TBC1D22A: variants seen among roughly 807,000 people sequenced by gnomAD.
The protein encoded by TBC1D22A is putative GTPase activator.
In TBC1D22A, 38 loss-of-function variants were observed where a neutral mutation model predicts 60.2. That is an observed-to-expected ratio of 0.63 (90% CI 0.49 to 0.83). TBC1D22A has a LOEUF of 0.83. TBC1D22A is among the 40% of genes least tolerant of loss of function. The pLI is 0.00. For synonymous variants in TBC1D22A, 302 were observed against 281.7 expected (o/e 1.07, Z -0.72); for missense variants, 628 against 701.0 (o/e 0.90, Z 1.18).
intron 8 of TBC1D22A, among the ~76,000 whole-genome samples, chr22:46,933,541 T>G (rs1284514581): frequency 6.6e-6 from 1 of 152,134 alleles, no homozygotes; most frequent in East Asian, 1.9e-4. Context: ...AAGTTCTTCT[T>G]CCTCTCCTGA....
chr22:46,922,791 A>G (rs1446669260), intron 8 of TBC1D22A, among the ~76,000 whole-genome samples: 1 of 152,218 alleles, frequency 6.6e-6, no homozygotes, highest in African/African-American at 2.4e-5. Context: ...TTTGTATTCT[A>G]AAATTTTACT....
Position 46,997,627 on chromosome 22 carries a change from T to G in TBC1D22A, c.1126-7T>G, listed in dbSNP as rs1359769062. ...GCATATGATTCACATTATTCTTTTT[T>G]CCTTAGGACAACTACACCTTTGCCC... On this transcript the variant is annotated splice_region_variant and splice_polypyrimidine_tract_variant and intron_variant, in intron 9 of 12. Transcript: ENST00000337137. 1 of 1,612,044 alleles carries G rather than the reference T, an allele frequency of 6.2e-7. No individual in the cohort carries two copies. The highest frequency in any genetic ancestry group is 2.2e-5 in the East Asian group (1 of 44,884).
intron 11 of TBC1D22A, among the ~76,000 whole-genome samples, chr22:47,054,774 G>A (rs1226355783): frequency 6.6e-6 from 1 of 152,206 alleles, no homozygotes; most frequent in East Asian, 1.9e-4. Flanking sequence ...TGATGATTGT[G>A]TACACGTAGA....
intron 11 of TBC1D22A, among the ~76,000 whole-genome samples, chr22:47,040,845 A>G (rs2062817793): frequency 1.3e-5 from 2 of 152,154 alleles, no homozygotes; most frequent in South Asian, 2.1e-4. Context: ...GGCTCTGAGT[A>G]TGGTGAGTGA....
chr22:46,978,318 A>G (rs1037296145), intron 9 of TBC1D22A, among the ~76,000 whole-genome samples: 1 of 152,262 alleles, frequency 6.6e-6, no homozygotes, highest in African/African-American at 2.4e-5. Context: ...ATTCAAATAG[A>G]GAAAATTAAA....
chr22:47,105,071 C>G (rs1202253228), intron 11 of TBC1D22A, among the ~76,000 whole-genome samples: 1 of 152,060 alleles, frequency 6.6e-6, no homozygotes, highest in Non-Finnish European at 1.5e-5. Context: ...AGGGCTGTAT[C>G]ATCGGCCATG....
intron 4 of TBC1D22A, among the ~76,000 whole-genome samples, chr22:46,870,098 T>C (rs2067234826): frequency 6.6e-6 from 1 of 152,222 alleles, no homozygotes; most frequent in African/African-American, 2.4e-5. Context: ...CCCCATGTAT[T>C]GTCTCTTTGT....
At chr22:46,779,921 C>T (rs551998645) in intron 1 of TBC1D22A, among the ~76,000 whole-genome samples, 3 of 152,306 alleles carry the variant, frequency 2.0e-5, no homozygotes, top group African/African-American at 4.8e-5. Context: ...GTCTCAGGTA[C>T]CACATGTTTC....
intron 10 of TBC1D22A, among the ~76,000 whole-genome samples, chr22:47,032,731 G>T (rs764519495): frequency 2.6e-5 from 4 of 152,216 alleles, no homozygotes; most frequent in Non-Finnish European, 5.9e-5. Flanking sequence ...GTCCCAGGAG[G>T]CCCCAGGCTG....
At chr22:47,070,462 G>A (rs1283843419) in intron 11 of TBC1D22A, among the ~76,000 whole-genome samples, 1 of 150,164 alleles carries the variant, frequency 6.7e-6, no homozygotes, top group Non-Finnish European at 1.5e-5. Context: ...TGTTTGGTTG[G>A]AGCGGAGCTG....
chr22:46,860,430 C>T (rs1319519039), intron 4 of TBC1D22A, among the ~76,000 whole-genome samples: 2 of 31,736 alleles, frequency 6.3e-5, no homozygotes, highest in East Asian at 1.6e-3. Flanking sequence ...AGTGCTGTGC[C>T]CCTTCCCGGG....
At chr22:46,806,295 T>C (rs2085132071) in intron 4 of TBC1D22A, among the ~76,000 whole-genome samples, 1 of 151,440 alleles carries the variant, frequency 6.6e-6, no homozygotes, top group African/African-American at 2.4e-5. Context: ...CTTTGAATTC[T>C]CATAGTCAGT....
intron 7 of TBC1D22A, among the ~76,000 whole-genome samples, chr22:46,908,608 C>A (rs5769234): frequency 9.2e-5 from 14 of 151,934 alleles, no homozygotes; most frequent in Non-Finnish European, 1.9e-4. Flanking sequence ...TCCATTTTTC[C>A]TCAAAGTAAT....
At chr22:46,848,696 T>C (rs2087132908) in intron 4 of TBC1D22A, among the ~76,000 whole-genome samples, 1 of 152,234 alleles carries the variant, frequency 6.6e-6, no homozygotes, top group Non-Finnish European at 1.5e-5. Context: ...TATATTACTT[T>C]TTTATGGCAT....
intron 11 of TBC1D22A, among the ~76,000 whole-genome samples, chr22:47,074,662 G>A (rs980045677): frequency 6.6e-6 from 1 of 152,094 alleles, no homozygotes; most frequent in Admixed American, 6.5e-5. Flanking sequence ...CCACCCCCTC[G>A]GGGACCTGGA....
chr22:47,120,977 C>G (rs1002206198), intron 12 of TBC1D22A, among the ~76,000 whole-genome samples: 1 of 152,202 alleles, frequency 6.6e-6, no homozygotes, highest in East Asian at 1.9e-4. Flanking sequence ...AAACAAAATT[C>G]AAAGGCAGTT....
At chr22:46,888,972 G>A (rs2068257833) in intron 5 of TBC1D22A, among the ~76,000 whole-genome samples, 1 of 152,156 alleles carries the variant, frequency 6.6e-6, no homozygotes, top group Non-Finnish European at 1.5e-5. Context: ...CCAAAGTGCT[G>A]GGATTACAGG....
intron 12 of TBC1D22A, among the ~76,000 whole-genome samples, chr22:47,168,662 C>T (rs2068300195): frequency 1.3e-5 from 2 of 152,224 alleles, no homozygotes; most frequent in South Asian, 4.1e-4. Context: ...CTCGAAGGAA[C>T]CCAGGGTCTG....
rs34793078 is a variant in TBC1D22A at position 47,039,704 on chromosome 22, G to GAAAAAA, written c.1329+2524_1329+2529dup. Among the ~76,000 whole-genome samples, 125 of 81,426 alleles carry GAAAAAA rather than the reference G, an allele frequency of 1.5e-3. 3 individuals are homozygous for GAAAAAA. The highest frequency in any genetic ancestry group is 5.7e-3 in the African/African-American group (117 of 20,614). 53.4% of individuals were successfully genotyped at this position (81,426 alleles called of 152,430 possible). On this transcript the variant is annotated intron_variant, in intron 11 of 12. Coordinates refer to ENST00000337137, the MANE Select transcript of TBC1D22A (RefSeq NM_014346.5). The stretch of plus-strand genomic sequence containing the variant: ...TCCCTCATGGATGCGTGCATTTCAG[G>GAAAAAA]AAAAAAAAAAAAAAAAAAAAAAAGA...
Sources: allele counts gnomAD v4.1 joint callset (sites outside exome capture counted in the v4.1 genomes callset), GRCh38; gene constraint gnomAD v4.1.1; transcripts MANE v1.5; gene names NCBI Gene and HGNC (gene_info 2026-07-23, HGNC 2026-07-21).